The following SP3 variants were observed in gnomAD, a reference collection of about 807,000 sequenced individuals.
The protein encoded by SP3 is Sp3 transcription factor.
Under a neutral mutation model 70.3 loss-of-function variants are expected in SP3, and 10 were observed. That is an observed-to-expected ratio of 0.14 (90% CI 0.09 to 0.24). The LOEUF (loss-of-function observed/expected upper bound fraction) is 0.24, where lower values mean the gene tolerates loss of function less well. Ranked by LOEUF, SP3 falls within the 10% of genes least tolerant of loss-of-function variation. The probability of loss-of-function intolerance (pLI) is 1.00; values close to 1 mark genes in which losing one functional copy is unlikely to be tolerated. For missense variants in SP3, 825 were observed against 914.6 expected (o/e 0.90, Z 1.26); for synonymous variants, 402 against 333.5 (o/e 1.21, Z -2.24).
In SP3 at chr2:173,964,629, G is replaced by A; in HGVS notation, c.8-76C>T. 3 of 617,742 alleles carry A rather than the reference G, an allele frequency of 4.9e-6. No individual in the cohort carries two copies. In the South Asian group the frequency reaches 5.1e-5, roughly 10 times the overall value. 38.3% of individuals were successfully genotyped at this position (617,742 alleles called of 1,614,324 possible). ...AGAGGGAGGGGGCCCGCGGGCCGAA[G>A]CGAAATTACTCCCAAAGCCCGGACC... On this transcript the variant is annotated intron_variant, in intron 1 of 6. Transcript: ENST00000310015.
Position 173,910,270 on chromosome 2 carries a change from A to T in SP3, c.2030-13T>A. 6.2e-7 allele frequency: 1 copy of T among 1,610,158 alleles called. No homozygotes were observed. Among genetic ancestry groups the T allele is most frequent in the South Asian group, 1.1e-5 (1 of 90,466 alleles). On this transcript the variant is annotated splice_polypyrimidine_tract_variant and intron_variant, in intron 6 of 6. Coordinates refer to ENST00000310015, the MANE Select transcript of SP3 (RefSeq NM_003111.5). ...AATTTCTTCTCACCTGTTAAGAAAA[A>T]AATTAAGTTACTTGGTTTTAAAAAT...
At chr2:173,953,935 G>A (rs968001204) in intron 4 of SP3, among the ~76,000 whole-genome samples, 1 of 152,094 alleles carries the variant, frequency 6.6e-6, no homozygotes, top group African/African-American at 2.4e-5. Context: ...AATTTTCTAA[G>A]CATGTATCAC....
rs1266643100 is a variant in SP3 at position 173,904,208 on chromosome 2, TCA to T, written c.*5731_*5732del. Among the ~76,000 whole-genome samples, 1 of 152,070 alleles carries T rather than the reference TCA, an allele frequency of 6.6e-6. No individual in the cohort carries two copies. The highest frequency in any genetic ancestry group is 6.5e-5 in the Admixed American group (1 of 15,276). On this transcript the variant is annotated 3_prime_UTR_variant, in exon 7 of 7. Coordinates refer to ENST00000310015, the MANE Select transcript of SP3 (RefSeq NM_003111.5). ...ACCTCCTGCTGTATGGCCTGGTTCCTCACAGACCAGGGACCAGGACCAGTCTG... is the reference window on the plus strand; with the variant it reads ...ACCTCCTGCTGTATGGCCTGGTTCCTCAGACCAGGGACCAGGACCAGTCTG...
At chr2:173,919,354 A>G (rs1689687947) in intron 4 of SP3, among the ~76,000 whole-genome samples, 1 of 152,246 alleles carries the variant, frequency 6.6e-6, no homozygotes, top group Admixed American at 6.5e-5. Flanking sequence ...CAATTAATGT[A>G]GTAAGCCCTA....
At chr2:173,933,067 A>C (rs1164508207) in intron 4 of SP3, among the ~76,000 whole-genome samples, 1 of 152,184 alleles carries the variant, frequency 6.6e-6, no homozygotes, top group Non-Finnish European at 1.5e-5. Flanking sequence ...CAGGGACACA[A>C]AGTGATCACG....
At chr2:173,929,106 T>A (rs1689998956) in intron 4 of SP3, among the ~76,000 whole-genome samples, 1 of 152,224 alleles carries the variant, frequency 6.6e-6, no homozygotes, top group Non-Finnish European at 1.5e-5. Flanking sequence ...CAGGCTCCAC[T>A]TGATACATGC....
rs763228082 is a variant in SP3 at position 173,905,701 on chromosome 2, T to C, written c.*4240A>G. Among the ~76,000 whole-genome samples, 1 of 152,048 alleles carries C rather than the reference T, an allele frequency of 6.6e-6. No individual in the cohort carries two copies. Among genetic ancestry groups the C allele is most frequent in the Non-Finnish European group, 1.5e-5 (1 of 67,996 alleles). On this transcript the variant is annotated 3_prime_UTR_variant, in exon 7 of 7. Coordinates refer to ENST00000310015, the MANE Select transcript of SP3 (RefSeq NM_003111.5). ...GGAAAAAAAAAAACCTTGTATACCC[T>C]TTAGACTCCAGATTTGGCCAAGCGT...
At chr2:173,922,643 G>A (rs139362240) in intron 4 of SP3, among the ~76,000 whole-genome samples, 1 of 152,028 alleles carries the variant, frequency 6.6e-6, no homozygotes, top group East Asian at 1.9e-4. Flanking sequence ...GAGATATGAG[G>A]AAACTGGTGT....
intron 4 of SP3, among the ~76,000 whole-genome samples, chr2:173,931,193 G>A (rs957094382): frequency 9.2e-5 from 14 of 152,172 alleles, no homozygotes; most frequent in Admixed American, 6.5e-5. Flanking sequence ...TTTTGCTGGT[G>A]GAGGGTCTTG....
At chr2:173,957,658 A>C (rs1299285271) in intron 3 of SP3, among the ~76,000 whole-genome samples, 1 of 152,146 alleles carries the variant, frequency 6.6e-6, no homozygotes, top group Non-Finnish European at 1.5e-5. Flanking sequence ...TTTAGACTTT[A>C]TCCTGTAGAT....
Position 173,923,659 on chromosome 2 carries a change from AAT to A in SP3, c.1640-4876_1640-4875del, listed in dbSNP as rs1449379258. On this transcript the variant is annotated intron_variant, in intron 4 of 6. Transcript: ENST00000310015. ...ATAAAATGAGACATTATCTTTTATCAATAGTGTGCCATTAAGATTTTGTTGTT... is the reference window on the plus strand; with the variant it reads ...ATAAAATGAGACATTATCTTTTATCAAGTGTGCCATTAAGATTTTGTTGTT... 3.3e-5 allele frequency among the ~76,000 whole-genome samples: 5 copies of A among 152,216 alleles called. No homozygotes were observed. In the South Asian group the frequency reaches 6.2e-4, roughly 19 times the overall value.
rs1370688874 is a variant in SP3, at chr2:173,903,817, T to C, written c.*6124A>G. On this transcript the variant is annotated 3_prime_UTR_variant, in exon 7 of 7. Coordinates refer to ENST00000310015, the MANE Select transcript of SP3 (RefSeq NM_003111.5). ...TTCTTGGACACATTCTACCAGTCTT[T>C]CAAGGCCCACCCTTTCTGATTCATC... Among the ~76,000 whole-genome samples, 1 of 152,194 alleles carries C rather than the reference T, an allele frequency of 6.6e-6. No homozygotes were observed. The highest frequency in any genetic ancestry group is 6.5e-5 in the Admixed American group (1 of 15,282).
At chr2:173,915,464 T>G (rs1455438127) in intron 5 of SP3, 1 of 152,184 alleles carries the variant, frequency 6.6e-6, no homozygotes, top group East Asian at 1.9e-4. Context: ...TCCACACCAC[T>G]AATGCCTATA....
At chr2:173,959,772 A>ATAAAAAT (rs1433941739) in intron 3 of SP3, among the ~76,000 whole-genome samples, 10 of 152,224 alleles carry the variant, frequency 6.6e-5, no homozygotes, top group Non-Finnish European at 1.5e-4. Flanking sequence ...AAAAATAAAA[A>ATAAAAAT]TAAAAAAAAT....
At chr2:173,942,023 T>C (rs1408028035) in intron 4 of SP3, among the ~76,000 whole-genome samples, 1 of 152,186 alleles carries the variant, frequency 6.6e-6, no homozygotes, top group Non-Finnish European at 1.5e-5. Flanking sequence ...ACCCTGCATT[T>C]AAAAAGTCTA....
rs115239867 is a variant in SP3 at position 173,940,469 on chromosome 2, T to A, written c.1639+14404A>T. On this transcript the variant is annotated intron_variant, in intron 4 of 6. Transcript: ENST00000310015. ...ATCGCCCACTGCTTACTTTTTGCACTGTGGCCTTGGCACCCGGGGGTGCAA... is the reference window on the plus strand; with the variant it reads ...ATCGCCCACTGCTTACTTTTTGCACAGTGGCCTTGGCACCCGGGGGTGCAA... Among the ~76,000 whole-genome samples, 856 of 152,310 alleles carry A rather than the reference T, an allele frequency of 5.6e-3. 9 individuals carry two copies. The highest frequency in any genetic ancestry group is 0.019 in the African/African-American group (807 of 41,574).
chr2:173,921,990 TGAGGCCTTCCCA>T (rs772628362), intron 4 of SP3, among the ~76,000 whole-genome samples: 1 of 152,160 alleles, frequency 6.6e-6, no homozygotes, highest in Non-Finnish European at 1.5e-5. Flanking sequence ...AAAAGCTTCT[TGAGGCCTTCCCA>T]GACCCAGATG....
rs746521055 is a variant in SP3, at chr2:173,907,716, A to C, written c.*2225T>G. 1.3e-5 allele frequency: 2 copies of C among 152,148 alleles called. No individual in the cohort carries two copies. Among genetic ancestry groups the C allele is most frequent in the African/African-American group, 2.4e-5 (1 of 41,448 alleles). 9.4% of individuals were successfully genotyped at this position (152,148 alleles called of 1,614,324 possible). A position where few individuals can be genotyped will look rare whatever the true frequency, so the allele number is the denominator to read the frequency against. ...TGCTCAAGTGAACCACCTGCTGCTC[A>C]CTTAATTCTCTTCACATTAATCTTA... On this transcript the variant is annotated 3_prime_UTR_variant, in exon 7 of 7. Coordinates refer to ENST00000310015, the MANE Select transcript of SP3 (RefSeq NM_003111.5).
intron 3 of SP3, among the ~76,000 whole-genome samples, chr2:173,956,625 C>A (rs1043364215): frequency 6.6e-6 from 1 of 152,066 alleles, no homozygotes; most frequent in Non-Finnish European, 1.5e-5. Flanking sequence ...TTAAGTCATC[C>A]GACTTAGAAA....
Sources: gnomAD v4.1 joint callset for allele counts (sites outside exome capture counted in the v4.1 genomes callset) on GRCh38, gnomAD v4.1.1 for gene constraint, MANE v1.5 for transcripts, NCBI Gene and HGNC (gene_info 2026-07-23, HGNC 2026-07-21) for gene names.